RIN2: variants seen among roughly 807,000 people sequenced by gnomAD.
RIN2 encodes the protein RAB5 interacting protein 2.
In RIN2, 36 loss-of-function variants were observed where a neutral mutation model predicts 78.0. The ratio of observed to expected loss-of-function variants is 0.46; its 90% CI spans 0.35 to 0.61. RIN2 has a LOEUF of 0.61. RIN2 is among the 20% of genes least tolerant of loss of function. The pLI, the probability that RIN2 is intolerant of heterozygous loss-of-function variation, is 0.00. For missense variants in RIN2, 1,087 were observed against 1,159.7 expected, an observed-to-expected ratio of 0.94 and a Z score of 0.91; for synonymous variants, 466 against 466.8, an observed-to-expected ratio of 1.00 and a Z score of 0.02.
chr20:19,960,938 A>G, intron 6 of RIN2, 127 bp downstream of exon 6: 1 of 623,048 alleles, frequency 1.6e-6, no homozygotes, highest in Non-Finnish European at 2.9e-6. Context: ...CTGAATGACT[A>G]GGCAGATAAC....
At chr20:19,861,413 C>G (rs529411782) in intron 2 of RIN2, among the ~76,000 whole-genome samples, 1 of 152,328 alleles carries the variant, frequency 6.6e-6, no homozygotes, top group African/African-American at 2.4e-5. Context: ...GAACCTCCTC[C>G]TAGGTGCTTC....
chr20:19,934,157 G>C (rs1003005171), intron 3 of RIN2, among the ~76,000 whole-genome samples: 1 of 152,038 alleles, frequency 6.6e-6, no homozygotes, highest in African/African-American at 2.4e-5. Flanking sequence ...ATGTTTGTAT[G>C]GATCATATCT....
At chr20:19,871,854 A>G (rs888709240) in intron 2 of RIN2, 2 of 152,198 alleles carry the variant, frequency 1.3e-5, no homozygotes, top group Non-Finnish European at 2.9e-5. Flanking sequence ...AATGATGTTT[A>G]TGAGGAGGAC....
intron 1 of RIN2, among the ~76,000 whole-genome samples, chr20:19,772,200 A>T (rs927113): frequency 0.62 from 93,473 of 151,982 alleles, 28,757 homozygotes; most frequent in African/African-American, 0.63. Context: ...GTATGGCCCA[A>T]CTTTAGAGAA....
intron 4 of RIN2, among the ~76,000 whole-genome samples, chr20:19,944,534 G>A (rs1431346104): frequency 6.6e-6 from 1 of 152,158 alleles, no homozygotes; most frequent in Non-Finnish European, 1.5e-5. Flanking sequence ...GGGCCCTCCG[G>A]CAATGCCACA....
intron 1 of RIN2, among the ~76,000 whole-genome samples, chr20:19,762,768 A>T (rs1369522638): frequency 1.3e-5 from 2 of 151,898 alleles, no homozygotes; most frequent in African/African-American, 4.8e-5. Flanking sequence ...TTATTTATTT[A>T]TTTATTTATT....
chr20:19,944,251 G>A lies in RIN2; in HGVS notation c.158+9052G>A, dbSNP rs548598937. Among the ~76,000 whole-genome samples, 4 of 152,106 alleles carry A rather than the reference G, an allele frequency of 2.6e-5. No individual in the cohort carries two copies. In the South Asian group the frequency reaches 8.3e-4, roughly 32 times the overall value. ...TATTTTCTGTCTCTCTACATAAGGG[G>A]CCTCTGGTACTAATATTCTTCCACA... On this transcript the variant is annotated intron_variant, in intron 4 of 12. Transcript: ENST00000255006.
chr20:19,989,486 G>C (rs2042728871), intron 9 of RIN2, among the ~76,000 whole-genome samples: 2 of 151,980 alleles, frequency 1.3e-5, no homozygotes, highest in Non-Finnish European at 2.9e-5. Flanking sequence ...ATGTTGATCA[G>C]GCTGGTCTCC....
intron 2 of RIN2, among the ~76,000 whole-genome samples, chr20:19,856,038 C>T (rs541419294): frequency 1.7e-4 from 26 of 152,104 alleles, no homozygotes; most frequent in African/African-American, 4.3e-4. Flanking sequence ...CGCACCATTG[C>T]GCTCCAGCCT....
At chr20:19,813,355 T>G (rs1171388978) in intron 2 of RIN2, among the ~76,000 whole-genome samples, 1 of 152,266 alleles carries the variant, frequency 6.6e-6, no homozygotes, top group Non-Finnish European at 1.5e-5. Context: ...GGCTTGTACT[T>G]CATGGCTTCT....
intron 3 of RIN2, among the ~76,000 whole-genome samples, chr20:19,911,333 G>A (rs140269587): frequency 0.028 from 4,287 of 152,214 alleles, 109 homozygotes; most frequent in Middle Eastern, 0.037. Flanking sequence ...GATTACAGGC[G>A]TTGAGCCACC....
chr20:19,776,305 C>T (rs111903122), intron 1 of RIN2, among the ~76,000 whole-genome samples: 5,497 of 152,278 alleles, frequency 0.036, 317 homozygotes, highest in African/African-American at 0.12. Context: ...TGATGAGAAA[C>T]ATTTACCATC....
intron 2 of RIN2, among the ~76,000 whole-genome samples, chr20:19,851,655 G>A (rs561403405): frequency 1.7e-4 from 26 of 152,104 alleles, no homozygotes; most frequent in Admixed American, 3.3e-4. Flanking sequence ...CTAGGAGGTC[G>A]AGAATGCAGT....
At chr20:19,867,371 A>T (rs1332326443) in intron 2 of RIN2, among the ~76,000 whole-genome samples, 1 of 152,182 alleles carries the variant, frequency 6.6e-6, no homozygotes, top group Non-Finnish European at 1.5e-5. Flanking sequence ...GCAATACTTT[A>T]ATCTGTTGCC....
At chr20:19,934,975 AAAAAAAAGAAATAG>A (rs1373335239) in intron 3 of RIN2, 110 bp from the exon 4 acceptor site, 2 of 655,950 alleles carry the variant, frequency 3.0e-6, no homozygotes, top group Non-Finnish European at 5.1e-6. Context: ...ATTAAAAAAA[AAAAAAAAGAAATAG>A]AAAAAGATGG....
At chr20:19,997,736 A>G (rs6035506) in intron 12 of RIN2, among the ~76,000 whole-genome samples, 49,836 of 151,750 alleles carry the variant, frequency 0.33, 9,872 homozygotes, top group East Asian at 0.73. Flanking sequence ...TCCAGCCTGG[A>G]CAACAGAGTG....
intron 4 of RIN2, among the ~76,000 whole-genome samples, chr20:19,953,268 A>G (rs1020168817): frequency 6.6e-6 from 1 of 151,912 alleles, no homozygotes; most frequent in African/African-American, 2.4e-5. Flanking sequence ...AGTAGCTGGG[A>G]CTACAGGTGT....
At chr20:19,873,707 G>A (rs1396638313) in intron 2 of RIN2, among the ~76,000 whole-genome samples, 1 of 152,006 alleles carries the variant, frequency 6.6e-6, no homozygotes, top group East Asian at 1.9e-4. Flanking sequence ...TATCCACAGG[G>A]CACTAATCAA....
chr20:19,942,971 A>G (rs559944106), intron 4 of RIN2, among the ~76,000 whole-genome samples: 1 of 152,340 alleles, frequency 6.6e-6, no homozygotes, highest in African/African-American at 2.4e-5. Context: ...CTGCTTAGTT[A>G]GAATTCATCT....
Sources: allele counts gnomAD v4.1 joint callset (sites outside exome capture counted in the v4.1 genomes callset), GRCh38; gene constraint gnomAD v4.1.1; transcripts MANE v1.5; gene names NCBI Gene and HGNC (gene_info 2026-07-23, HGNC 2026-07-21).